The following SLC9A7 variants were observed in gnomAD, a reference collection of about 807,000 sequenced individuals.
The protein encoded by SLC9A7 is solute carrier family 9 member A7, also known as sodium/hydrogen exchanger 7.
Under a neutral mutation model 52.6 loss-of-function variants are expected in SLC9A7, and 19 were observed. The observed-to-expected ratio is 0.36, with a 90% CI of 0.25 to 0.53. SLC9A7 has a LOEUF of 0.53. Among genes scored for constraint, SLC9A7 ranks in the 20% least tolerant of loss-of-function variants. The pLI, the probability that SLC9A7 is intolerant of heterozygous loss-of-function variation, is 0.91. For missense variants in SLC9A7, 455 were observed against 597.9 expected (o/e 0.76, Z 2.49); for synonymous variants, 226 against 252.1 (o/e 0.90, Z 0.98).
intron 1 of SLC9A7, among the ~76,000 whole-genome samples, chrX:46,728,269 A>C (rs1313123009): frequency 8.9e-6 from 1 of 111,909 alleles, no homozygotes; most frequent in Non-Finnish European, 1.9e-5. Context: ...TTATCTGACG[A>C]AGGATTGGTA....
At chrX:46,675,477 T>C (rs1363908969) in intron 3 of SLC9A7, among the ~76,000 whole-genome samples, 2 of 111,808 alleles carry the variant, frequency 1.8e-5, no homozygotes, top group African/African-American at 6.5e-5. Flanking sequence ...TGTGATATTA[T>C]GATGTGTATG....
intron 14 of SLC9A7, among the ~76,000 whole-genome samples, chrX:46,621,404 G>C (rs1013050609): frequency 3.6e-5 from 4 of 112,050 alleles, no homozygotes; most frequent in Non-Finnish European, 5.6e-5. Flanking sequence ...GGCCAAAATT[G>C]ATTTATAGCG....
intron 1 of SLC9A7, among the ~76,000 whole-genome samples, chrX:46,737,131 TAA>T (rs1945133959): frequency 9.0e-6 from 1 of 111,705 alleles, no homozygotes; most frequent in African/African-American, 3.3e-5. Flanking sequence ...TCCTGCAGAT[TAA>T]GACTTTTGTT....
intron 1 of SLC9A7, among the ~76,000 whole-genome samples, chrX:46,712,034 T>C (rs1253793238): frequency 9.0e-6 from 1 of 111,000 alleles, no homozygotes; most frequent in Non-Finnish European, 1.9e-5. Context: ...TGGGAGGTCA[T>C]TGAACCTTCT....
In SLC9A7 at chrX:46,612,104, G is replaced by A. The variant is rs796986803; in HGVS notation, c.1929+1185C>T. 1.2e-4 allele frequency among the ~76,000 whole-genome samples: 13 copies of A among 112,173 alleles called. No homozygotes were observed. The South Asian group carries it at 2.6e-3, about 22-fold the overall frequency. Reference sequence around the variant, plus strand: ...CCAGCTAATTACTAACTGTGGGCCCGGGGCCAACTCACATCCTCTCTGAGA... The same window carrying A: ...CCAGCTAATTACTAACTGTGGGCCCAGGGCCAACTCACATCCTCTCTGAGA... On this transcript the variant is annotated intron_variant, in intron 16 of 16. Transcript: ENST00000616978.
At chrX:46,695,493 T>C (rs1207400494) in intron 1 of SLC9A7, among the ~76,000 whole-genome samples, 1 of 112,281 alleles carries the variant, frequency 8.9e-6, no homozygotes, top group Non-Finnish European at 1.9e-5. Flanking sequence ...AGGTTAACTA[T>C]ATAGGTGGTA....
At chrX:46,638,255 T>A (rs926825091) in intron 12 of SLC9A7, among the ~76,000 whole-genome samples, 1 of 112,415 alleles carries the variant, frequency 8.9e-6, no homozygotes, top group Admixed American at 9.4e-5. Flanking sequence ...TTTCTTTTGA[T>A]GTAATCTCTG....
At chrX:46,720,665 C>T (rs139212504) in intron 1 of SLC9A7, among the ~76,000 whole-genome samples, 1,576 of 111,297 alleles carry the variant, frequency 0.014, 30 homozygotes, top group African/African-American at 0.049. Context: ...TGCCATCTGC[C>T]CCTACACATA....
In SLC9A7 at chrX:46,643,306, G is replaced by A; in HGVS notation, c.1546C>T (p.Leu516Phe). The A allele has an allele frequency of 1.7e-6, 2 of 1,211,060 alleles. No homozygotes were observed. The highest frequency in any genetic ancestry group is 3.5e-5 in the South Asian group (2 of 56,855). Residue 516 changes from leucine to phenylalanine, a missense_variant, in exon 12 of 17, where the codon CTC becomes TTC. Physicochemically the swap from Leu to Phe is conservative, Grantham distance 22. This residue lies in a region of SLC9A7 where 5 missense variants were observed against 19.6 expected (regional missense o/e 0.25). Transcript: ENST00000616978. ...ARQMMFTTTLLIVFFTVWIIG... is the reference protein window; with the variant it reads ...ARQMMFTTTLFIVFFTVWIIG... ...ATCCAGACAGTGAAGAACACAATGAGAAGGGTGGTCGTGAACATCATCTGG... is the reference window on the plus strand; with the variant it reads ...ATCCAGACAGTGAAGAACACAATGAAAAGGGTGGTCGTGAACATCATCTGG...
Position 46,669,681 on chromosome X carries a change from A to G in SLC9A7, c.719T>C (p.Met240Thr), listed in dbSNP as rs1271227627. The change falls in exon 5 of 17, where the codon ATG becomes ACG. Residue 240 changes from methionine (M) to threonine (T), a missense_variant. Physicochemically the swap from Met to Thr is moderately conservative, Grantham distance 81. This residue lies in a region of SLC9A7 where 304 missense variants were observed against 417.8 expected (regional missense o/e 0.73). Coordinates refer to ENST00000616978, the MANE Select transcript of SLC9A7 (RefSeq NM_001257291.2). ...GTAAAATTTATCTGAGAGCTGTCCC[A>G]TAATCTTCATGAGCTTCACCACACC... is the stretch of plus-strand genomic sequence containing the variant. ...MYGVVKLMKIMGQLSDKFYYT... is the reference protein window; with the variant it reads ...MYGVVKLMKITGQLSDKFYYT... 1 of 1,185,041 alleles carries G rather than the reference A, an allele frequency of 8.4e-7. No individual in the cohort carries two copies.
At chrX:46,661,054 G>A (rs1435647427) in intron 7 of SLC9A7, among the ~76,000 whole-genome samples, 1 of 111,360 alleles carries the variant, frequency 9.0e-6, no homozygotes, top group Non-Finnish European at 1.9e-5. Context: ...AAAAAATGAT[G>A]AGTTCATGTC....
At chrX:46,723,986 G>A (rs1317535371) in intron 1 of SLC9A7, among the ~76,000 whole-genome samples, 1 of 112,112 alleles carries the variant, frequency 8.9e-6, no homozygotes, top group Non-Finnish European at 1.9e-5. Flanking sequence ...CCAGTTACTT[G>A]AGAGGCTGAG....
chrX:46,746,613 C>A (rs1039933004), intron 1 of SLC9A7, among the ~76,000 whole-genome samples: 1 of 112,058 alleles, frequency 8.9e-6, no homozygotes, highest in African/African-American at 3.2e-5. Flanking sequence ...CCAGTTAAAA[C>A]GGCTTTTATC....
intron 1 of SLC9A7, among the ~76,000 whole-genome samples, chrX:46,738,083 GAAAGAAAGAAAGAAAGAAAGAAAGAGA>G (rs1945158051): frequency 2.8e-5 from 2 of 72,357 alleles, no homozygotes; most frequent in African/African-American, 7.7e-5. Context: ...AAGAAAGAAA[GAAAGAAAGAAAGAAAGAAAGAAAGAGA>G]AAAGAAAAGA....
rs1942663890 is a variant in SLC9A7 at position 46,601,809 on chromosome X, T to C, written c.*5143A>G. On this transcript the variant is annotated 3_prime_UTR_variant, in exon 17 of 17. Transcript: ENST00000616978. ...TTCTCAAAAAGTGTACTAAAAGGAATAGCAGCTTTCATCTTCTCTCTGTCA... is the reference window on the plus strand; with the variant it reads ...TTCTCAAAAAGTGTACTAAAAGGAACAGCAGCTTTCATCTTCTCTCTGTCA... The C allele has an allele frequency of 8.9e-6, 1 of 112,387 alleles. No individual in the cohort carries two copies. The highest frequency in any genetic ancestry group is 3.6e-4 in the South Asian group (1 of 2,762). 9.3% of individuals were successfully genotyped at this position (112,387 alleles called of 1,213,427 possible).
chrX:46,750,153 C>T (rs141317542), intron 1 of SLC9A7, among the ~76,000 whole-genome samples: 132 of 110,968 alleles, frequency 1.2e-3, no homozygotes, highest in South Asian at 1.9e-3. Context: ...CCCTCAGAGA[C>T]CTCCTAGGAA....
rs777819551 is a variant in SLC9A7, at chrX:46,651,343, C to T, written c.1209G>A (p.Ser403=). ...TQAHYTYNNL[S]VESRSRTKQL... is the part of the protein sequence containing the mutation. ...GCTTGGTTCGACTTCTTGATTCCAC[C>T]GACAGATTGTTGTAGGTGTAATGAG... is the stretch of plus-strand genomic sequence containing the variant. The change falls in exon 9 of 17, where the codon TCG becomes TCA. Residue 403 remains serine, a synonymous_variant. Transcript: ENST00000616978. 2.3e-4 allele frequency: 275 copies of T among 1,206,252 alleles called. 1 individual carries two copies. The South Asian group carries it at 4.5e-3, about 20-fold the overall frequency.
rs375876576 is a variant in SLC9A7, at chrX:46,651,256, C to T, written c.1237-33G>A. On this transcript the variant is annotated intron_variant, in intron 9 of 16. Coordinates refer to ENST00000616978, the MANE Select transcript of SLC9A7 (RefSeq NM_001257291.2). ...GAGAAGGGAAAAGGAAGCTGTAACC[C>T]TGCAGTTCCCCCTTCCCTGTGTTAA... The T allele has an allele frequency of 6.9e-5, 81 of 1,166,449 alleles. No homozygotes were observed. In the African/African-American group the frequency reaches 1.4e-3, roughly 20 times the overall value.
At chrX:46,745,391 G>A (rs2147010793) in intron 1 of SLC9A7, among the ~76,000 whole-genome samples, 1 of 111,668 alleles carries the variant, frequency 9.0e-6, no homozygotes, top group Admixed American at 9.5e-5. Context: ...GAAAAATGTT[G>A]TAAGGTAGGC....
Sources: gnomAD v4.1 joint callset for allele counts (sites outside exome capture counted in the v4.1 genomes callset) on GRCh38, gnomAD v4.1.1 for gene constraint, gnomAD v4.1.1 regional missense constraint, MANE v1.5 for transcripts, NCBI Gene and HGNC (gene_info 2026-07-23, HGNC 2026-07-21) for gene names.